Variants in SLC2A9 observed in about 807,000 individuals in gnomAD.
The protein encoded by SLC2A9 is solute carrier family 2 member 9.
A neutral mutation model predicts 50.6 loss-of-function variants in SLC2A9; 39 were observed. The ratio of observed to expected loss-of-function variants is 0.77; its 90% confidence interval spans 0.60 to 1.01. The LOEUF (loss-of-function observed/expected upper bound fraction) is 1.01, where lower values mean the gene tolerates loss of function less well. SLC2A9 is among the 50% of genes least tolerant of loss of function. SLC2A9 has a pLI of 0.00. For missense variants in SLC2A9, 686 were observed against 677.6 expected, an observed-to-expected ratio of 1.01 and a Z score of -0.14; for synonymous variants, 324 against 276.9, an observed-to-expected ratio of 1.17 and a Z score of -1.69.
At position 9,991,178 on chromosome 4, in the gene SLC2A9, C is replaced by T. The variant is rs1025961773; in HGVS notation, c.411-5385G>A. 1.8e-4 allele frequency among the ~76,000 whole-genome samples: 27 copies of T among 152,186 alleles called. 1 individual carries two copies. Among genetic ancestry groups the T allele is most frequent in the African/African-American group, 6.5e-4 (27 of 41,430 alleles). On this transcript the variant is annotated intron_variant, in intron 3 of 11. Coordinates refer to ENST00000264784, the MANE Select transcript of SLC2A9 (RefSeq NM_020041.3). ...GACCAGGGAGTGCAGCCTTGCCTGG[C>T]TCCTTCCCCTGCTGCTTTCTGCTTT...
intron 3 of SLC2A9, among the ~76,000 whole-genome samples, chr4:9,808,766 A>G (rs1255456419): frequency 6.6e-6 from 1 of 152,140 alleles, no homozygotes; most frequent in East Asian, 1.9e-4. Context: ...AGCAGTGTGA[A>G]CCAGAGAGAA....
chr4:9,916,220 T>G (rs2110054296), intron 7 of SLC2A9, among the ~76,000 whole-genome samples: 1 of 152,196 alleles, frequency 6.6e-6, no homozygotes, highest in East Asian at 1.9e-4. Flanking sequence ...CACAACGATT[T>G]CCCAACTAAG....
chr4:9,930,998 AT>A (rs1461879930), intron 6 of SLC2A9, among the ~76,000 whole-genome samples: 1 of 152,160 alleles, frequency 6.6e-6, no homozygotes, highest in Non-Finnish European at 1.5e-5. Context: ...AATGTCACCC[AT>A]GGGGTGGGAG....
chr4:9,995,807 TC>T (rs1268028600), intron 3 of SLC2A9: 1 of 152,192 alleles, frequency 6.6e-6, no homozygotes, highest in Non-Finnish European at 1.5e-5. Context: ...AAATTGAGGC[TC>T]AAATAAATTA....
At chr4:9,946,036 C>T (rs954696099) in intron 5 of SLC2A9, among the ~76,000 whole-genome samples, 7 of 152,156 alleles carry the variant, frequency 4.6e-5, no homozygotes, top group Admixed American at 3.3e-4. Context: ...CCATGAGGCG[C>T]CACCAAACGA....
downstream of SLC2A9, among the ~76,000 whole-genome samples, chr4:9,775,881 G>A (rs1717486598): frequency 6.6e-6 from 1 of 152,128 alleles, no homozygotes; most frequent in African/African-American, 2.4e-5. Context: ...CTAGCACATG[G>A]GCCTTCTCCA....
At chr4:9,791,499 G>A (rs11936730) in intron 3 of SLC2A9, among the ~76,000 whole-genome samples, 1 of 152,294 alleles carries the variant, frequency 6.6e-6, no homozygotes, top group East Asian at 1.9e-4. Flanking sequence ...GATGCTGAAG[G>A]GGGAGGAGAT....
In SLC2A9 at chr4:9,955,713, T is replaced by C. The variant is rs569434987; in HGVS notation, c.682-13668A>G. 2.0e-5 allele frequency among the ~76,000 whole-genome samples: 3 copies of C among 152,178 alleles called. No homozygotes were observed. In the South Asian group the frequency reaches 6.2e-4, roughly 32 times the overall value. ...ATTTTTTCTTCTGAGGAGGCAAGAA[T>C]TGAGGTTGCTGCAGACCTGTATGGA... is the stretch of plus-strand genomic sequence containing the variant. On this transcript the variant is annotated intron_variant, in intron 5 of 11. Coordinates refer to ENST00000264784, the MANE Select transcript of SLC2A9 (RefSeq NM_020041.3).
intron 1 of SLC2A9, among the ~76,000 whole-genome samples, chr4:10,020,039 A>AGTGTGTGTGTGTGTGTGTGT (rs112964589): frequency 2.0e-5 from 3 of 147,982 alleles, no homozygotes; most frequent in Non-Finnish European, 4.5e-5. Context: ...CATATTTGTG[A>AGTGTGTGTGTGTGTGTGTGT]GTGTGTGTGT....
chr4:10,010,189 T>A (rs1447713286), intron 2 of SLC2A9, among the ~76,000 whole-genome samples: 1 of 152,126 alleles, frequency 6.6e-6, no homozygotes, highest in Non-Finnish European at 1.5e-5. Flanking sequence ...CACATCTACA[T>A]GATGAAACCC....
chr4:9,883,839 C>A (rs1486654878), intron 10 of SLC2A9, among the ~76,000 whole-genome samples: 1 of 152,230 alleles, frequency 6.6e-6, no homozygotes, highest in Admixed American at 6.5e-5. Flanking sequence ...CAGGCCAGGA[C>A]TGGGCACTTT....
chr4:9,952,595 G>A (rs1206795758), intron 5 of SLC2A9, among the ~76,000 whole-genome samples: 1 of 150,808 alleles, frequency 6.6e-6, no homozygotes, highest in Non-Finnish European at 1.5e-5. Context: ...GTGCAGTGAC[G>A]CAATCTCAGC....
chr4:9,861,661 T>A (rs1008822209), intron 10 of SLC2A9, among the ~76,000 whole-genome samples: 4 of 151,998 alleles, frequency 2.6e-5, no homozygotes, highest in Admixed American at 2.6e-4. Flanking sequence ...GGGGCCTCTA[T>A]ACCAATAGTT....
chr4:10,011,845 G>A (rs1219228988), intron 2 of SLC2A9, among the ~76,000 whole-genome samples: 1 of 152,242 alleles, frequency 6.6e-6, no homozygotes, highest in Non-Finnish European at 1.5e-5. Context: ...TAGATGCTAT[G>A]CAGCATAGGC....
chr4:9,997,380 G>A (rs1353183108), intron 2 of SLC2A9, among the ~76,000 whole-genome samples: 1 of 152,096 alleles, frequency 6.6e-6, no homozygotes, highest in Admixed American at 6.5e-5. Context: ...CTAGTGCACC[G>A]CAGCATTGCT....
intron 1 of SLC2A9, among the ~76,000 whole-genome samples, chr4:9,773,043 A>T (rs1414243616): frequency 6.6e-6 from 1 of 152,176 alleles, no homozygotes; most frequent in Admixed American, 6.5e-5. Context: ...TCGTAAGCCC[A>T]TCCTTCTGCC....
chr4:9,772,813 A>ATTTTTTTTTTTTTTTT (rs76377030), intron 1 of SLC2A9, among the ~76,000 whole-genome samples: 1 of 101,840 alleles, frequency 9.8e-6, no homozygotes, highest in African/African-American at 3.7e-5. Context: ...ATGCCATTTT[A>ATTTTTTTTTTTTTTTT]TTTTTTTTTT....
intron 1 of SLC2A9, 102 bp downstream of exon 1, chr4:10,021,178 C>G: frequency 1.6e-6 from 2 of 1,259,238 alleles, no homozygotes; most frequent in Non-Finnish European, 2.3e-6. Context: ...GATCCCCCAG[C>G]TACACGCTGC....
At chr4:10,003,688 C>A (rs1044947625) in intron 2 of SLC2A9, among the ~76,000 whole-genome samples, 3 of 152,224 alleles carry the variant, frequency 2.0e-5, no homozygotes, top group Non-Finnish European at 4.4e-5. Flanking sequence ...AGAGAATTCA[C>A]TGCACTAACA....
Sources: gnomAD v4.1 joint callset for allele counts (sites outside exome capture counted in the v4.1 genomes callset) on GRCh38, gnomAD v4.1.1 for gene constraint, MANE v1.5 for transcripts, NCBI Gene and HGNC (gene_info 2026-07-23, HGNC 2026-07-21) for gene names.